The following TCN2 variants were observed in gnomAD, a reference collection of about 807,000 sequenced individuals.
The protein encoded by TCN2 is transcobalamin-2.
TCN2 carries 34 observed loss-of-function variants against 48.6 expected under a neutral mutation model. That is an observed-to-expected ratio of 0.70 (90% confidence interval 0.53 to 0.93). The LOEUF is 0.93. Among genes scored for constraint, TCN2 ranks in the 40% least tolerant of loss-of-function variants. The pLI is 0.00. For synonymous variants in TCN2, 283 were observed against 212.5 expected (o/e 1.33, Z -2.89); for missense variants, 652 against 526.1 (o/e 1.24, Z -2.34).
In TCN2 at chr22:30,615,622, C is replaced by T. The variant is rs201501842; in HGVS notation, c.775C>T (p.Arg259Cys). Reference sequence around the variant, plus strand: ...CCAGTTCCTCATGACTTCCCCCATGCGTGGGGCAGAACTGGGAACAGCATG... The same window carrying T: ...CCAGTTCCTCATGACTTCCCCCATGTGTGGGGCAGAACTGGGAACAGCATG... ...ALQFLMTSPM[R>C]GAELGTACLK... Residue 259 changes from arginine to cysteine, a missense_variant, in exon 6 of 9, where the codon CGT becomes TGT. Coordinates refer to ENST00000215838, the MANE Select transcript of TCN2 (RefSeq NM_000355.4). The T allele has an allele frequency of 8.9e-5, 143 of 1,614,124 alleles. No homozygotes were observed. Among genetic ancestry groups the T allele is most frequent in the Non-Finnish European group, 5.8e-5 (68 of 1,180,004 alleles).
At chr22:30,620,515 T>C (rs2087683112) in intron 7 of TCN2, among the ~76,000 whole-genome samples, 1 of 152,228 alleles carries the variant, frequency 6.6e-6, no homozygotes, top group South Asian at 2.1e-4. Context: ...CACCTCCGTT[T>C]CCTTCCTGTG....
At position 30,614,310 on chromosome 22, in the gene TCN2, G is replaced by T. The variant is rs201925792; in HGVS notation, c.428-39G>T. The T allele has an allele frequency of 3.1e-5, 49 of 1,605,552 alleles. No homozygotes were observed. In the East Asian group the frequency reaches 9.7e-4, roughly 32 times the overall value. On this transcript the variant is annotated intron_variant, in intron 3 of 8. Transcript: ENST00000215838. ...TGCTGGCGGGGCTGGCTGCTGGGTG[G>T]GGGCAGAGAGGCAACCCCTCTGTTT...
intron 4 of TCN2, 78 bp downstream of exon 4, chr22:30,614,579 T>C: frequency 6.3e-7 from 1 of 1,585,514 alleles, no homozygotes; most frequent in Non-Finnish European, 8.6e-7. Flanking sequence ...CTCCATACCC[T>C]GGCCCCCACA....
chr22:30,625,701 T>G (rs567757755), intron 8 of TCN2, among the ~76,000 whole-genome samples: 1 of 152,268 alleles, frequency 6.6e-6, no homozygotes, highest in East Asian at 1.9e-4. Context: ...TGAACTCAAG[T>G]GATCTGCCTG....
At position 30,614,517 on chromosome 22, in the gene TCN2, C is replaced by T. The variant is rs200683293; in HGVS notation, c.580+16C>T. ...CATTCTGTGGGTGAGTAGGTCAGACCGTGCCAAGGCCAGGCTGGCACTCCC... is the reference window on the plus strand; with the variant it reads ...CATTCTGTGGGTGAGTAGGTCAGACTGTGCCAAGGCCAGGCTGGCACTCCC... On this transcript the variant is annotated intron_variant, in intron 4 of 8. Transcript: ENST00000215838. 8.9e-5 allele frequency: 144 copies of T among 1,613,892 alleles called. No homozygotes were observed. The highest frequency in any genetic ancestry group is 4.0e-4 in the African/African-American group (30 of 75,032).
At chr22:30,622,214 C>G (rs1303196503) in intron 7 of TCN2, among the ~76,000 whole-genome samples, 26 of 152,002 alleles carry the variant, frequency 1.7e-4, no homozygotes, top group Non-Finnish European at 3.4e-4. Context: ...CTCGAACTCC[C>G]AACCTCAGGT....
rs377673954 is a variant in TCN2 at position 30,610,920 on chromosome 22, C to T, written c.114C>T (p.Leu38=). Residue 38 remains leucine (L), a synonymous_variant, in exon 2 of 9, where the codon CTC becomes CTT. Coordinates refer to ENST00000215838, the MANE Select transcript of TCN2 (RefSeq NM_000355.4). ...SHLVEKLGQH[L]LPWMDRLSLE... is the part of the protein sequence containing the mutation. The stretch of plus-strand genomic sequence containing the variant: ...TGGTAGAGAAGTTGGGCCAGCACCT[C>T]TTACCTTGGATGGACCGGCTTTCCC... 5.6e-6 allele frequency: 9 copies of T among 1,614,080 alleles called. No homozygotes were observed. The highest frequency in any genetic ancestry group is 7.6e-6 in the Non-Finnish European group (9 of 1,180,054).
intron 7 of TCN2, among the ~76,000 whole-genome samples, chr22:30,619,736 G>A (rs1445419325): frequency 6.6e-6 from 1 of 152,184 alleles, no homozygotes. Context: ...GGGTCCTCTA[G>A]GCTAGAGAAT....
At chr22:30,622,178 G>A (rs939488850) in intron 7 of TCN2, among the ~76,000 whole-genome samples, 1 of 152,134 alleles carries the variant, frequency 6.6e-6, no homozygotes, top group African/African-American at 2.4e-5. Context: ...GTAGAGATGG[G>A]GTTTCTTCAT....
chr22:30,613,726 C>G (rs1048844865), intron 3 of TCN2, among the ~76,000 whole-genome samples: 2 of 152,202 alleles, frequency 1.3e-5, no homozygotes, highest in Non-Finnish European at 2.9e-5. Context: ...ACAGCCAGAG[C>G]CAGCCTTTTC....
intron 8 of TCN2, among the ~76,000 whole-genome samples, chr22:30,624,959 A>G (rs1246827832): frequency 1.3e-5 from 2 of 152,206 alleles, no homozygotes; most frequent in Admixed American, 1.3e-4. Context: ...GCTCATGCCT[A>G]TAATTCCAGC....
rs2145548128 is a variant in TCN2 at position 30,617,385 on chromosome 22, C to CA, written c.997dup (p.Thr333AsnfsTer6). The CA allele has an allele frequency of 1.9e-6, 3 of 1,614,180 alleles. No homozygotes were observed. Among genetic ancestry groups the CA allele is most frequent in the South Asian group, 1.1e-5 (1 of 91,074 alleles). ...CTCAGACCCAAGAGATCATCAGTGT[C>CA]ACGCTGCAGGTGCTTAGTCTCTTGC... is the stretch of plus-strand genomic sequence containing the variant. On this transcript the variant is annotated frameshift_variant, in exon 7 of 9. Coordinates refer to ENST00000215838, the MANE Select transcript of TCN2 (RefSeq NM_000355.4). LOFTEE classifies it high-confidence loss of function.
At chr22:30,614,689 T>A (rs1377955223) in intron 4 of TCN2, among the ~76,000 whole-genome samples, 188 bp downstream of exon 4, 1 of 152,098 alleles carries the variant, frequency 6.6e-6, no homozygotes, top group Non-Finnish European at 1.5e-5. Flanking sequence ...TTGGAGCTGG[T>A]AGGTGGATCT....
rs2087811599 is a variant in TCN2, at chr22:30,626,453, T to C, written c.1223-7T>C. 1 of 1,614,022 alleles carries C rather than the reference T, an allele frequency of 6.2e-7. No homozygotes were observed. The highest frequency in any genetic ancestry group is 1.1e-5 in the South Asian group (1 of 91,090). On this transcript the variant is annotated splice_region_variant and splice_polypyrimidine_tract_variant and intron_variant, in intron 8 of 8. Coordinates refer to ENST00000215838, the MANE Select transcript of TCN2 (RefSeq NM_000355.4). ...TTCGCCCCTCCTTGCTCAATCTGTT[T>C]CTGCAGGTATTGCTGACTACAGACC...
At chr22:30,610,368 G>C in intron 1 of TCN2, 1 of 457,898 alleles carries the variant, frequency 2.2e-6, no homozygotes, top group Non-Finnish European at 4.5e-6. Flanking sequence ...TGATGTTTTT[G>C]TAAACGGGTA....
At chr22:30,615,235 A>C in intron 4 of TCN2, 66 bp from the exon 5 acceptor site, 1 of 1,576,016 alleles carries the variant, frequency 6.3e-7, no homozygotes, top group Non-Finnish European at 8.7e-7. Context: ...CCTGACCCTC[A>C]AGCCCCTGCC....
At chr22:30,620,779 G>A (rs1386135953) in intron 7 of TCN2, among the ~76,000 whole-genome samples, 1 of 152,214 alleles carries the variant, frequency 6.6e-6, no homozygotes, top group Non-Finnish European at 1.5e-5. Context: ...GTGCATGGAT[G>A]CCTCAACTGG....
In TCN2 at chr22:30,621,856, C is replaced by G. The variant is rs144671244; in HGVS notation, c.1107-1112C>G. On this transcript the variant is annotated intron_variant, in intron 7 of 8. Transcript: ENST00000215838. ...TGTGCCTTTCTTCTCTCTGCCTCCT[C>G]TCAGCTCTGCCCCGCTCTCCTCCCT... 3.0e-4 allele frequency among the ~76,000 whole-genome samples: 46 copies of G among 152,232 alleles called. 1 individual carries two copies. In the East Asian group the frequency reaches 8.9e-3, roughly 29 times the overall value.
chr22:30,622,833 G>C lies in TCN2; in HGVS notation c.1107-135G>C, dbSNP rs2087718509. 12 of 857,146 alleles carry C rather than the reference G, an allele frequency of 1.4e-5. No homozygotes were observed. In the South Asian group the frequency reaches 1.7e-4, roughly 12 times the overall value. The allele number at this position is 857,146 out of a possible 1,614,324, so 53.1% of individuals were successfully genotyped here. ...AGTTGAGATCACAGACCTGTGGCCA[G>C]GTGGCCTGGGAAGGGTTTGACGAGT... On this transcript the variant is annotated intron_variant, in intron 7 of 8. Transcript: ENST00000215838.
Sources: gnomAD v4.1 joint callset for allele counts (sites outside exome capture counted in the v4.1 genomes callset) on GRCh38, gnomAD v4.1.1 for gene constraint, MANE v1.5 for transcripts, NCBI Gene and HGNC (gene_info 2026-07-23, HGNC 2026-07-21) for gene names.